Variants in TMPRSS6 observed in about 807,000 individuals in gnomAD.
TMPRSS6 encodes transmembrane protease serine 6.
Under a neutral mutation model 101.5 loss-of-function variants are expected in TMPRSS6, and 67 were observed. That is an observed-to-expected ratio of 0.66 (90% CI 0.54 to 0.81). TMPRSS6 has a LOEUF of 0.81. Among genes scored for constraint, TMPRSS6 ranks in the 30% least tolerant of loss-of-function variants. The pLI is 0.00. For synonymous variants in TMPRSS6, 453 were observed against 464.9 expected (o/e 0.97, Z 0.33); for missense variants, 1,034 against 1,088.7 (o/e 0.95, Z 0.71).
chr22:37,081,403 C>CT (rs1928258379), intron 10 of TMPRSS6, among the ~76,000 whole-genome samples: 1 of 152,226 alleles, frequency 6.6e-6, no homozygotes, highest in African/African-American at 2.4e-5. Flanking sequence ...GGCTTCGACA[C>CT]TTAAGCGCTT....
intron 10 of TMPRSS6, among the ~76,000 whole-genome samples, chr22:37,078,356 A>C (rs1229089236): frequency 1.3e-5 from 2 of 152,150 alleles, no homozygotes; most frequent in East Asian, 3.9e-4. Context: ...AGTTCTCTCA[A>C]CCTCCAGGGA....
Position 37,066,894 on chromosome 22 carries a change from A to G in TMPRSS6, c.2182T>C (p.Tyr728His), listed in dbSNP as rs1455308619. Reference sequence around the variant, plus strand: ...ATGCGTGGCGTCACCTGGTAGCGATAGACCTCGCTGCACAGGTCCTGTGGG... The same window carrying G: ...ATGCGTGGCGTCACCTGGTAGCGATGGACCTCGCTGCACAGGTCCTGTGGG... ...LIPQDLCSEV[Y>H]RYQVTPRMLC... Residue 728 changes from tyrosine to histidine, a missense_variant, in exon 17 of 18, where the codon TAT becomes CAT. Coordinates refer to ENST00000676104, the MANE Select transcript of TMPRSS6 (RefSeq NM_001374504.1). The G allele has an allele frequency of 2.5e-6, 4 of 1,614,064 alleles. No individual in the cohort carries two copies. The highest frequency in any genetic ancestry group is 3.4e-6 in the Non-Finnish European group (4 of 1,180,040).
chr22:37,066,126 G>C lies in TMPRSS6; in HGVS notation c.2363C>G (p.Thr788Ser). The C allele has an allele frequency of 6.2e-7, 1 of 1,613,550 alleles. No individual in the cohort carries two copies. Among genetic ancestry groups the C allele is most frequent in the Non-Finnish European group, 8.5e-7 (1 of 1,180,024 alleles). Residue 788 changes from threonine (T) to serine (S), a missense_variant, in exon 18 of 18, where the codon ACC becomes AGC. Coordinates refer to ENST00000676104, the MANE Select transcript of TMPRSS6 (RefSeq NM_001374504.1). ...CCAGCTGATCACACCTGTGATGCGG[G>C]TGTAGACGCCGAAGTAGTTAGGCCG... is the stretch of plus-strand genomic sequence containing the variant. Reference protein sequence around the residue: ...CGRPNYFGVYTRITGVISWIQ... With the variant: ...CGRPNYFGVYSRITGVISWIQ...
intron 3 of TMPRSS6, among the ~76,000 whole-genome samples, 164 bp from the exon 4 acceptor site, chr22:37,096,879 G>A (rs369542335): frequency 4.6e-5 from 7 of 152,120 alleles, no homozygotes; most frequent in African/African-American, 7.2e-5. Flanking sequence ...TGGCCGGGCC[G>A]GGGCATGCAT....
chr22:37,066,355 T>G (rs1052765251), intron 17 of TMPRSS6, 117 bp from the exon 18 acceptor site: 2 of 1,103,224 alleles, frequency 1.8e-6, no homozygotes, highest in African/African-American at 3.2e-5. Context: ...CAGAGTCACG[T>G]TCAGTCTTAA....
chr22:37,081,021 C>T (rs941674737), intron 10 of TMPRSS6, among the ~76,000 whole-genome samples: 38 of 152,402 alleles, frequency 2.5e-4, no homozygotes, highest in Non-Finnish European at 3.7e-4. Context: ...CTGGCCTTAA[C>T]TCTGGCTCAA....
At position 37,106,880 on chromosome 22, in the gene TMPRSS6, G is replaced by A. The variant is rs1319569571; in HGVS notation, c.-2+2623C>T. Among the ~76,000 whole-genome samples, 2 of 152,306 alleles carry A rather than the reference G, an allele frequency of 1.3e-5. 1 individual carries two copies. The highest frequency in any genetic ancestry group is 4.1e-4 in the South Asian group (2 of 4,828). On this transcript the variant is annotated intron_variant, in intron 1 of 17. Coordinates refer to ENST00000676104, the MANE Select transcript of TMPRSS6 (RefSeq NM_001374504.1). Reference sequence around the variant, plus strand: ...GTGGGGAACTCTTACCAGGCGACCTGCCAGGCACTGGGTTCTGGGCCCCTG... The same window carrying A: ...GTGGGGAACTCTTACCAGGCGACCTACCAGGCACTGGGTTCTGGGCCCCTG...
intron 10 of TMPRSS6, among the ~76,000 whole-genome samples, chr22:37,082,270 T>C (rs1928329318): frequency 2.0e-5 from 3 of 152,140 alleles, no homozygotes; most frequent in African/African-American, 4.8e-5. Flanking sequence ...ACGCCTGTCT[T>C]AGCACCTAAC....
At chr22:37,105,238 G>T (rs1397433839) in intron 1 of TMPRSS6, among the ~76,000 whole-genome samples, 1 of 152,156 alleles carries the variant, frequency 6.6e-6, no homozygotes, top group Non-Finnish European at 1.5e-5. Flanking sequence ...GGAAGGGAGG[G>T]ACTGCAGGGG....
chr22:37,070,794 AG>A, intron 14 of TMPRSS6, 121 bp downstream of exon 14: 1 of 1,301,792 alleles, frequency 7.7e-7, no homozygotes, highest in Non-Finnish European at 1.1e-6. Context: ...GACCCAGGCA[AG>A]GGGGCAGAGG....
chr22:37,073,709 G>A lies in TMPRSS6; in HGVS notation c.1442-64C>T, dbSNP rs117210679. Reference sequence around the variant, plus strand: ...CCAGAGGAGCCAGCCGGGGCTTGGCGATGCCTGTAGAAGGTGTGCTGTATT... The same window carrying A: ...CCAGAGGAGCCAGCCGGGGCTTGGCAATGCCTGTAGAAGGTGTGCTGTATT... On this transcript the variant is annotated intron_variant, in intron 12 of 17. Coordinates refer to ENST00000676104, the MANE Select transcript of TMPRSS6 (RefSeq NM_001374504.1). 74 of 1,005,002 alleles carry A rather than the reference G, an allele frequency of 7.4e-5. No homozygotes were observed. The East Asian group carries it at 8.1e-4, about 11-fold the overall frequency. 62.3% of individuals were successfully genotyped at this position (1,005,002 alleles called of 1,614,324 possible).
chr22:37,096,549 T>C (rs1320673958), intron 4 of TMPRSS6, 99 bp downstream of exon 4: 1 of 1,338,712 alleles, frequency 7.5e-7, no homozygotes, highest in Non-Finnish European at 1.0e-6. Context: ...TTTCCCCATT[T>C]GAAACATGAA....
intron 12 of TMPRSS6, 57 bp downstream of exon 12, chr22:37,074,553 G>C: frequency 1.3e-6 from 2 of 1,523,168 alleles, no homozygotes; most frequent in Non-Finnish European, 1.8e-6. Flanking sequence ...AGCAGGAAAG[G>C]TGAGGAAGGA....
chr22:37,070,820 G>T, intron 14 of TMPRSS6, 96 bp downstream of exon 14: 1 of 1,377,834 alleles, frequency 7.3e-7, no homozygotes, highest in South Asian at 1.2e-5. Context: ...GATAGAGAGA[G>T]ACCAGGGGAC....
In TMPRSS6 at chr22:37,105,492, G is replaced by A. The variant is rs371515358; in HGVS notation, c.-1-2074C>T. On this transcript the variant is annotated intron_variant, in intron 1 of 17. Coordinates refer to ENST00000676104, the MANE Select transcript of TMPRSS6 (RefSeq NM_001374504.1). ...GCATGAGGCCACATGGCAGGTTTGAGTCCCCAGCGCAGAGCTGCCTGTCTG... is the reference window on the plus strand; with the variant it reads ...GCATGAGGCCACATGGCAGGTTTGAATCCCCAGCGCAGAGCTGCCTGTCTG... 2.1e-4 allele frequency among the ~76,000 whole-genome samples: 32 copies of A among 152,344 alleles called. No homozygotes were observed. The East Asian group carries it at 6.0e-3, about 28-fold the overall frequency.
intron 1 of TMPRSS6, among the ~76,000 whole-genome samples, chr22:37,109,188 C>T (rs938014545): frequency 8.5e-5 from 13 of 152,266 alleles, no homozygotes; most frequent in African/African-American, 2.9e-4. Context: ...TCCAGTCCTG[C>T]GAGGCAGGGG....
chr22:37,066,904 G>A lies in TMPRSS6; in HGVS notation c.2172C>T (p.Cys724=), dbSNP rs778105621. ...TCACCTGGTAGCGATAGACCTCGCT[G>A]CACAGGTCCTGTGGGATCAACTGCA... ...VDVQLIPQDL[C]SEVYRYQVTP... The change falls in exon 17 of 18, where the codon TGC becomes TGT. Residue 724 remains cysteine, a synonymous_variant. Transcript: ENST00000676104. 6.2e-7 allele frequency: 1 copy of A among 1,614,168 alleles called. No individual in the cohort carries two copies. The highest frequency in any genetic ancestry group is 8.5e-7 in the Non-Finnish European group (1 of 1,180,028).
intron 10 of TMPRSS6, among the ~76,000 whole-genome samples, chr22:37,081,573 G>A (rs1023129597): frequency 1.3e-5 from 2 of 152,174 alleles, no homozygotes; most frequent in Non-Finnish European, 2.9e-5. Context: ...GGTGCATCTA[G>A]GGATCCATGC....
At chr22:37,098,892 C>T (rs1240066965) in intron 2 of TMPRSS6, among the ~76,000 whole-genome samples, 1 of 152,214 alleles carries the variant, frequency 6.6e-6, no homozygotes, top group East Asian at 1.9e-4. Context: ...AGGCCAAGGT[C>T]ATGGGTCAGC....
Sources: gnomAD v4.1 joint callset for allele counts (sites outside exome capture counted in the v4.1 genomes callset) on GRCh38, gnomAD v4.1.1 for gene constraint, MANE v1.5 for transcripts, NCBI Gene and HGNC (gene_info 2026-07-23, HGNC 2026-07-21) for gene names.